The following ALDH9A1 variants were observed in gnomAD, a reference collection of about 807,000 sequenced individuals.
The protein encoded by ALDH9A1 is 4-trimethylaminobutyraldehyde dehydrogenase.
ALDH9A1 carries 42 observed loss-of-function variants against 56.6 expected under a neutral mutation model. The ratio of observed to expected loss-of-function variants is 0.74; its 90% CI spans 0.58 to 0.96. The LOEUF is 0.96. Ranked by LOEUF, ALDH9A1 falls within the 40% of genes least tolerant of loss-of-function variation. ALDH9A1 has a pLI of 0.00. For synonymous variants in ALDH9A1, 242 were observed against 236.0 expected (o/e 1.03, Z -0.23); for missense variants, 661 against 651.5 (o/e 1.01, Z -0.16).
In ALDH9A1 at chr1:165,680,641, G is replaced by C; in HGVS notation, c.635C>G (p.Ser212Cys). 6.2e-7 allele frequency: 1 copy of C among 1,613,928 alleles called. No homozygotes were observed. Among genetic ancestry groups the C allele is most frequent in the Non-Finnish European group, 8.5e-7 (1 of 1,179,944 alleles). ...VFKPSPFTPV[S>C]ALLLAEIYSE... ...GTAGATTTCAGCCAGTAGCAATGCAGAAACAGGTGTAAAGGGAGAAGGTTT... is the reference window on the plus strand; with the variant it reads ...GTAGATTTCAGCCAGTAGCAATGCACAAACAGGTGTAAAGGGAGAAGGTTT... Residue 212 changes from serine (S) to cysteine (C), a missense_variant, in exon 5 of 11, where the codon TCT becomes TGT. Ser to Cys is a moderately radical substitution (Grantham distance 112). Transcript: ENST00000354775.
intron 6 of ALDH9A1, among the ~76,000 whole-genome samples, chr1:165,672,175 T>C (rs1035174745): frequency 4.6e-5 from 7 of 152,220 alleles, no homozygotes; most frequent in Middle Eastern, 3.2e-3. Context: ...TCAATGTTCA[T>C]AGCAACATTA....
In ALDH9A1 at chr1:165,682,248, G is replaced by A. The variant is rs1336886956; in HGVS notation, c.458-7C>T. Reference sequence around the variant, plus strand: ...GGGAGCTGGATGTGTTCACCTATGGGGAAAACAGGAGTAAAGGAGGATGCA... The same window carrying A: ...GGGAGCTGGATGTGTTCACCTATGGAGAAAACAGGAGTAAAGGAGGATGCA... On this transcript the variant is annotated splice_region_variant and splice_polypyrimidine_tract_variant and intron_variant, in intron 3 of 10. Coordinates refer to ENST00000354775, the MANE Select transcript of ALDH9A1 (RefSeq NM_000696.4). The A allele has an allele frequency of 1.2e-6, 2 of 1,612,650 alleles. No individual in the cohort carries two copies. Among genetic ancestry groups the A allele is most frequent in the South Asian group, 1.1e-5 (1 of 90,988 alleles).
Position 165,678,963 on chromosome 1 carries a change from C to G in ALDH9A1, c.930+479G>C, listed in dbSNP as rs925017427. Among the ~76,000 whole-genome samples, 9 of 152,248 alleles carry G rather than the reference C, an allele frequency of 5.9e-5. 1 individual carries two copies. The highest frequency in any genetic ancestry group is 4.1e-4 in the South Asian group (2 of 4,822). On this transcript the variant is annotated intron_variant, in intron 6 of 10. Coordinates refer to ENST00000354775, the MANE Select transcript of ALDH9A1 (RefSeq NM_000696.4). ...GGCAATGCATCATCCTTGACTGGAT[C>G]CTAGACCGGAAAAAAAACCATTTTT...
At chr1:165,685,706 G>A (rs1001211691) in intron 2 of ALDH9A1, among the ~76,000 whole-genome samples, 4 of 152,168 alleles carry the variant, frequency 2.6e-5, no homozygotes, top group African/African-American at 9.7e-5. Context: ...CGAGGCTGGA[G>A]AAACAGGGCC....
intron 6 of ALDH9A1, chr1:165,676,186 A>G (rs568078798): frequency 1.7e-3 from 254 of 153,574 alleles, no homozygotes; most frequent in Non-Finnish European, 3.4e-3. Flanking sequence ...GAGGGCCTAG[A>G]AGCAATGATA....
intron 6 of ALDH9A1, among the ~76,000 whole-genome samples, chr1:165,672,510 G>A (rs1649210356): frequency 6.6e-6 from 1 of 152,134 alleles, no homozygotes; most frequent in African/African-American, 2.4e-5. Context: ...TGAGGGGAGA[G>A]AGAAACAGAG....
At chr1:165,690,711 T>C (rs1014576465) in intron 2 of ALDH9A1, among the ~76,000 whole-genome samples, 2 of 152,194 alleles carry the variant, frequency 1.3e-5, no homozygotes, top group African/African-American at 4.8e-5. Context: ...GGAGATTATA[T>C]CCTGCAGCTG....
intron 2 of ALDH9A1, among the ~76,000 whole-genome samples, chr1:165,691,911 T>A (rs890076804): frequency 2.0e-5 from 3 of 152,194 alleles, no homozygotes; most frequent in African/African-American, 7.2e-5. Flanking sequence ...CAAGGCTGGT[T>A]CAACATACAC....
intron 6 of ALDH9A1, among the ~76,000 whole-genome samples, chr1:165,673,229 G>A (rs1484464201): frequency 1.3e-5 from 2 of 151,912 alleles, no homozygotes; most frequent in African/African-American, 4.8e-5. Flanking sequence ...TCAGGAAAAT[G>A]CAAATCAAAA....
At position 165,692,734 on chromosome 1, in the gene ALDH9A1, C is replaced by T. The variant is rs1017373484; in HGVS notation, c.327+2518G>A. ...AACTATTTTAAAGTTCATATGGAAC[C>T]AAAAAAGAGCCTGCATTGCCAAGAC... On this transcript the variant is annotated intron_variant, in intron 2 of 10. Transcript: ENST00000354775. Among the ~76,000 whole-genome samples the T allele has an allele frequency of 8.6e-5, 13 of 150,320 alleles. No individual in the cohort carries two copies. The South Asian group carries it at 1.7e-3, about 20-fold the overall frequency.
intron 8 of ALDH9A1, 108 bp from the exon 9 acceptor site, chr1:165,667,558 C>T (rs1249446350): frequency 3.3e-6 from 4 of 1,222,158 alleles, no homozygotes; most frequent in Non-Finnish European, 4.5e-6. Flanking sequence ...CCAGTCTGGT[C>T]TCAAACACCT....
chr1:165,688,573 T>C (rs7519162), intron 2 of ALDH9A1, among the ~76,000 whole-genome samples: 1 of 151,958 alleles, frequency 6.6e-6, no homozygotes, highest in Non-Finnish European at 1.5e-5. Flanking sequence ...CAAACAAAAA[T>C]TAGCCAGGTA....
In ALDH9A1 at chr1:165,662,917, C is replaced by T. The variant is rs183791260; in HGVS notation, c.*133G>A. ...AAGCTGATGGAGAGAGAAAGAGTAACATGAACCATTCTCTTATACTGAACG... is the reference window on the plus strand; with the variant it reads ...AAGCTGATGGAGAGAGAAAGAGTAATATGAACCATTCTCTTATACTGAACG... On this transcript the variant is annotated 3_prime_UTR_variant, in exon 11 of 11. Transcript: ENST00000354775. 22 of 723,726 alleles carry T rather than the reference C, an allele frequency of 3.0e-5. No homozygotes were observed. In the Admixed American group the frequency reaches 3.5e-4, roughly 11 times the overall value. 44.8% of individuals were successfully genotyped at this position (723,726 alleles called of 1,614,324 possible). A position where few individuals can be genotyped will look rare whatever the true frequency, so the allele number is the denominator to read the frequency against.
intron 9 of ALDH9A1, 61 bp from the exon 10 acceptor site, chr1:165,665,191 G>A (rs2101733173): frequency 6.1e-6 from 8 of 1,301,446 alleles, no homozygotes; most frequent in Non-Finnish European, 8.8e-6. Flanking sequence ...ACTTTAACAG[G>A]AAAAGTTACA....
intron 9 of ALDH9A1, among the ~76,000 whole-genome samples, chr1:165,667,056 T>C (rs1296360925): frequency 6.6e-6 from 1 of 151,276 alleles, no homozygotes; most frequent in East Asian, 1.9e-4. Context: ...AACCCAATGC[T>C]TTACATAGAT....
At chr1:165,666,043 T>C (rs538176269) in intron 9 of ALDH9A1, among the ~76,000 whole-genome samples, 2 of 152,294 alleles carry the variant, frequency 1.3e-5, no homozygotes, top group South Asian at 4.1e-4. Flanking sequence ...CAAAAAGTGG[T>C]ACATATCCAT....
chr1:165,688,800 G>A (rs1214045428), intron 2 of ALDH9A1, among the ~76,000 whole-genome samples: 1 of 152,150 alleles, frequency 6.6e-6, no homozygotes, highest in Admixed American at 6.5e-5. Flanking sequence ...GTCACAGAGT[G>A]GGATCTATTC....
At chr1:165,682,557 C>G (rs1394236786) in intron 3 of ALDH9A1, among the ~76,000 whole-genome samples, 1 of 152,188 alleles carries the variant, frequency 6.6e-6, no homozygotes, top group African/African-American at 2.4e-5. Flanking sequence ...GAGGAACACT[C>G]AACAGCAGGG....
chr1:165,676,724 T>G, intron 6 of ALDH9A1: 1 of 505,534 alleles, frequency 2.0e-6, no homozygotes, highest in South Asian at 1.6e-5. Context: ...TCCCACTGTG[T>G]GAGAACCAAC....
Sources: gnomAD v4.1 joint callset for allele counts (sites outside exome capture counted in the v4.1 genomes callset) on GRCh38, gnomAD v4.1.1 for gene constraint, MANE v1.5 for transcripts, NCBI Gene and HGNC (gene_info 2026-07-23, HGNC 2026-07-21) for gene names.